The following DOCK1 variants were observed in gnomAD, a reference collection of about 807,000 sequenced individuals.
The protein encoded by DOCK1 is dedicator of cytokinesis protein 1.
DOCK1 carries 138 observed loss-of-function variants against 262.7 expected under a neutral mutation model. The observed-to-expected ratio is 0.53, with a 90% confidence interval of 0.46 to 0.61. The LOEUF (loss-of-function observed/expected upper bound fraction) is 0.61, where lower values mean the gene tolerates loss of function less well. Ranked by LOEUF, DOCK1 falls within the 20% of genes least tolerant of loss-of-function variation. The pLI is 0.00. For synonymous variants in DOCK1, 866 were observed against 867.4 expected (o/e 1.00, Z 0.03); for missense variants, 1,908 against 2,370.7 (o/e 0.80, Z 4.05).
At chr10:127,000,525 T>C (rs1164568773) in intron 10 of DOCK1, 2 of 626,036 alleles carry the variant, frequency 3.2e-6, no homozygotes, top group South Asian at 2.6e-5. Flanking sequence ...ATAAATCATA[T>C]ATTTGGTTTT....
At position 127,012,881 on chromosome 10, in the gene DOCK1, C is replaced by G. The variant is rs1398084524; in HGVS notation, c.1201+507C>G. Among the ~76,000 whole-genome samples, 4 of 152,188 alleles carry G rather than the reference C, an allele frequency of 2.6e-5. No homozygotes were observed. Among genetic ancestry groups the G allele is most frequent in the African/African-American group, 9.6e-5 (4 of 41,452 alleles). On this transcript the variant is annotated intron_variant, in intron 12 of 51. Coordinates refer to ENST00000623213, the MANE Select transcript of DOCK1 (RefSeq NM_001290223.2). This position sits in a 1 kb window ranked among gnomAD's most constrained non-coding sequence, Gnocchi z 4.0. ...GAAGGAATGAATCAGTCACCTCGGG[C>G]TGGTGACAGTTGGCACTTGGCTGGC...
chr10:127,302,089 G>C (rs765372612), intron 29 of DOCK1, among the ~76,000 whole-genome samples: 3 of 151,846 alleles, frequency 2.0e-5, no homozygotes, highest in Non-Finnish European at 2.9e-5. Context: ...GGTCCTCTCT[G>C]CTTGTAGTAT....
intron 1 of DOCK1, among the ~76,000 whole-genome samples, chr10:126,948,846 T>C (rs1302222053): frequency 6.6e-6 from 1 of 152,052 alleles, no homozygotes; most frequent in African/African-American, 2.4e-5. Flanking sequence ...CCTATGCCTT[T>C]CCTGAGGTTG....
intron 4 of DOCK1, among the ~76,000 whole-genome samples, chr10:126,986,035 G>T (rs557909593): frequency 5.5e-4 from 84 of 152,176 alleles, no homozygotes; most frequent in African/African-American, 2.0e-3. Context: ...TTTATTTTTA[G>T]TAGAGACGGG....
intron 23 of DOCK1, among the ~76,000 whole-genome samples, chr10:127,072,129 G>A (rs1365894143): frequency 1.3e-5 from 2 of 152,186 alleles, no homozygotes; most frequent in African/African-American, 4.8e-5. Flanking sequence ...GTGCCAGTGA[G>A]CCCCTTTCTC....
chr10:127,441,733 C>T (rs1174161605), intron 49 of DOCK1, among the ~76,000 whole-genome samples: 1 of 151,308 alleles, frequency 6.6e-6, no homozygotes, highest in East Asian at 2.0e-4. Context: ...TTGCCCTTCC[C>T]CCCTGCGGGC....
chr10:126,926,255 CT>C (rs559299060), intron 1 of DOCK1, among the ~76,000 whole-genome samples: 335 of 144,766 alleles, frequency 2.3e-3, no homozygotes, highest in Non-Finnish European at 2.3e-3. Flanking sequence ...TTCTTTCTTT[CT>C]TTTTTTTTTT....
At chr10:127,133,161 A>G (rs2050426747) in intron 27 of DOCK1, among the ~76,000 whole-genome samples, 1 of 152,202 alleles carries the variant, frequency 6.6e-6, no homozygotes, top group Non-Finnish European at 1.5e-5. Flanking sequence ...GCTTTCTCTG[A>G]GCATGGGTGA....
chr10:127,084,797 G>A (rs1591960933), intron 23 of DOCK1, among the ~76,000 whole-genome samples: 1 of 152,272 alleles, frequency 6.6e-6, no homozygotes, highest in Middle Eastern at 3.4e-3. Flanking sequence ...TGAGGAAGAG[G>A]GTGGGGATTG....
chr10:127,138,917 T>A lies in DOCK1; in HGVS notation c.2847+11153T>A, dbSNP rs372460714. ...CATTTGATCTTCTAACTTGGAGTCC[T>A]AACAGGTCTGCTTGGCAGCTGGGAT... On this transcript the variant is annotated intron_variant, in intron 27 of 51. Transcript: ENST00000623213. Among the ~76,000 whole-genome samples, 643 of 152,346 alleles carry A rather than the reference T, an allele frequency of 4.2e-3. 4 individuals carry two copies. Among genetic ancestry groups the A allele is most frequent in the African/African-American group, 0.015 (617 of 41,584 alleles).
intron 33 of DOCK1, among the ~76,000 whole-genome samples, chr10:127,365,296 G>T (rs1255996017): frequency 6.6e-6 from 1 of 152,046 alleles, no homozygotes; most frequent in Admixed American, 6.6e-5. Flanking sequence ...ATGTAATTAC[G>T]GATTTCAAAT....
intron 23 of DOCK1, among the ~76,000 whole-genome samples, chr10:127,102,757 G>T (rs918446394): frequency 1.3e-5 from 2 of 152,282 alleles, no homozygotes; most frequent in East Asian, 3.9e-4. Flanking sequence ...GAAGAATCAC[G>T]TGAACCCGGG....
intron 29 of DOCK1, among the ~76,000 whole-genome samples, chr10:127,268,504 A>AAAAG: frequency 2.0e-4 from 1 of 4,890 alleles, no homozygotes; most frequent in Non-Finnish European, 6.0e-4. Context: ...ACTCCACCTC[A>AAAAG]AAAAAAAAAA....
chr10:127,404,262 G>A (rs2067384673), intron 39 of DOCK1, 63 bp from the exon 40 acceptor site: 10 of 1,423,790 alleles, frequency 7.0e-6, no homozygotes, highest in Admixed American at 2.0e-5. Context: ...CCCGCAAGAA[G>A]AATCCAGAGG....
At chr10:127,030,441 G>C (rs2043161248) in intron 16 of DOCK1, among the ~76,000 whole-genome samples, 1 of 152,076 alleles carries the variant, frequency 6.6e-6, no homozygotes, top group Non-Finnish European at 1.5e-5. Flanking sequence ...TCCTCGTGAG[G>C]GCCTCTGCGC....
intron 29 of DOCK1, among the ~76,000 whole-genome samples, chr10:127,307,867 G>A (rs189351865): frequency 3.3e-4 from 50 of 152,308 alleles, no homozygotes; most frequent in South Asian, 8.3e-4. Flanking sequence ...TCTCCTGTCC[G>A]TGAGTTTTCC....
At chr10:127,097,400 G>A (rs1166163673) in intron 23 of DOCK1, among the ~76,000 whole-genome samples, 1 of 152,214 alleles carries the variant, frequency 6.6e-6, no homozygotes, top group East Asian at 1.9e-4. Context: ...ACCACTGGCT[G>A]TGATTCTCTC....
At chr10:126,950,774 T>C (rs1354934620) in intron 1 of DOCK1, among the ~76,000 whole-genome samples, 1 of 152,218 alleles carries the variant, frequency 6.6e-6, no homozygotes, top group African/African-American at 2.4e-5. Context: ...AGGGTTAATA[T>C]GGGATGATGT....
intron 27 of DOCK1, among the ~76,000 whole-genome samples, chr10:127,153,042 T>A (rs1295502047): frequency 6.6e-6 from 1 of 152,228 alleles, no homozygotes; most frequent in Non-Finnish European, 1.5e-5. Flanking sequence ...GAATAACTTT[T>A]TAGAGGGTTT....
Sources: gnomAD v4.1 joint callset for allele counts (sites outside exome capture counted in the v4.1 genomes callset) on GRCh38, gnomAD v4.1.1 for gene constraint, Gnocchi (gnomAD v3.1) non-coding constraint, MANE v1.5 for transcripts, NCBI Gene and HGNC (gene_info 2026-07-23, HGNC 2026-07-21) for gene names.